Variants in CTNNA2 observed in about 807,000 individuals in gnomAD.
The protein encoded by CTNNA2 is catenin alpha 2, also known as catenin alpha-2.
A neutral mutation model predicts 101.0 loss-of-function variants in CTNNA2; 42 were observed. That is an observed-to-expected ratio of 0.42 (90% confidence interval 0.32 to 0.54). The LOEUF (loss-of-function observed/expected upper bound fraction) is 0.54. Among genes scored for constraint, CTNNA2 ranks in the 20% least tolerant of loss-of-function variants. The probability of loss-of-function intolerance (pLI) is 0.14; values close to 1 mark genes in which losing one functional copy is unlikely to be tolerated. For synonymous variants in CTNNA2, 450 were observed against 456.4 expected, an observed-to-expected ratio of 0.99 and a Z score of 0.18; for missense variants, 871 against 1,223.1, an observed-to-expected ratio of 0.71 and a Z score of 4.29.
At chr2:79,472,384 A>G (rs968893559) in intron 4 of CTNNA2, among the ~76,000 whole-genome samples, 1 of 152,208 alleles carries the variant, frequency 6.6e-6, no homozygotes, top group Non-Finnish European at 1.5e-5. Flanking sequence ...ATTGGAGAGC[A>G]TCCACCTGGC....
At chr2:80,022,667 A>G (rs1439905230) in intron 7 of CTNNA2, among the ~76,000 whole-genome samples, 2 of 152,138 alleles carry the variant, frequency 1.3e-5, no homozygotes, top group Non-Finnish European at 2.9e-5. Flanking sequence ...AGTGGAAGGA[A>G]AAAATCCTAG....
intron 7 of CTNNA2, among the ~76,000 whole-genome samples, chr2:80,167,509 C>G (rs890112242): frequency 2.0e-5 from 3 of 152,146 alleles, no homozygotes; most frequent in Non-Finnish European, 4.4e-5. Context: ...AAAAAAGATA[C>G]ATCATACATT....
chr2:80,243,292 A>G (rs1381084086), intron 7 of CTNNA2, among the ~76,000 whole-genome samples: 2 of 152,170 alleles, frequency 1.3e-5, no homozygotes, highest in East Asian at 3.8e-4. Context: ...GTTATCTAAT[A>G]AACTGCACAT....
chr2:79,441,713 A>T (rs1276000118), intron 4 of CTNNA2, among the ~76,000 whole-genome samples: 2 of 152,150 alleles, frequency 1.3e-5, no homozygotes, highest in African/African-American at 4.8e-5. Flanking sequence ...TGTATATGAG[A>T]TGCCCTTTCC....
intron 3 of CTNNA2, among the ~76,000 whole-genome samples, chr2:79,363,874 A>G (rs903468379): frequency 5.4e-4 from 83 of 152,326 alleles, no homozygotes; most frequent in African/African-American, 1.9e-3. Context: ...CCAGGCTAGT[A>G]TGCAAATGAA....
At chr2:80,045,887 A>G (rs1572937422) in intron 7 of CTNNA2, among the ~76,000 whole-genome samples, 2 of 151,862 alleles carry the variant, frequency 1.3e-5, no homozygotes, top group South Asian at 2.1e-4. Context: ...AGTTTAATCA[A>G]CCTCGACAGT....
At chr2:80,081,773 G>A (rs932643384) in intron 7 of CTNNA2, among the ~76,000 whole-genome samples, 2 of 121,626 alleles carry the variant, frequency 1.6e-5, no homozygotes, top group Non-Finnish European at 3.2e-5. Context: ...CTATTTCTGT[G>A]TGTGTCTGTG....
intron 8 of CTNNA2, among the ~76,000 whole-genome samples, chr2:80,414,363 A>G (rs1679856395): frequency 6.6e-6 from 1 of 152,116 alleles, no homozygotes; most frequent in African/African-American, 2.4e-5. Context: ...TTCACCTTTT[A>G]ATTATTTCTT....
chr2:79,745,236 GCC>G (rs1671558413), intron 3 of CTNNA2, among the ~76,000 whole-genome samples: 1 of 152,056 alleles, frequency 6.6e-6, no homozygotes, highest in Non-Finnish European at 1.5e-5. Flanking sequence ...TTCAAGACCA[GCC>G]TGGGCAACAC....
intron 7 of CTNNA2, among the ~76,000 whole-genome samples, chr2:80,246,953 A>T (rs547106668): frequency 6.6e-6 from 1 of 152,310 alleles, no homozygotes; most frequent in African/African-American, 2.4e-5. Flanking sequence ...ATCTCTGCCC[A>T]GGATCTTACA....
At chr2:79,378,785 G>A (rs17760461) in intron 4 of CTNNA2, among the ~76,000 whole-genome samples, 60,789 of 151,860 alleles carry the variant, frequency 0.4, 12,510 homozygotes, top group Non-Finnish European at 0.45. Flanking sequence ...GAGCTCATTC[G>A]CTCATATTCT....
intron 2 of CTNNA2, among the ~76,000 whole-genome samples, chr2:79,669,035 G>C (rs117265035): frequency 1.3e-5 from 2 of 152,166 alleles, no homozygotes; most frequent in African/African-American, 4.8e-5. Flanking sequence ...GGTATCTCAC[G>C]TGGAGATCTT....
chr2:79,955,870 C>T (rs575194850), intron 7 of CTNNA2, among the ~76,000 whole-genome samples: 1 of 152,248 alleles, frequency 6.6e-6, no homozygotes, highest in East Asian at 1.9e-4. Context: ...ATCACCTGGC[C>T]TCTGCTAGGA....
chr2:80,239,042 C>G (rs908291790), intron 7 of CTNNA2, among the ~76,000 whole-genome samples: 5 of 152,184 alleles, frequency 3.3e-5, no homozygotes, highest in Non-Finnish European at 5.9e-5. Context: ...TAATTTTTCA[C>G]TTAAACAATT....
At chr2:80,114,275 C>T (rs959189687) in intron 7 of CTNNA2, among the ~76,000 whole-genome samples, 1 of 152,168 alleles carries the variant, frequency 6.6e-6, no homozygotes, top group Middle Eastern at 3.2e-3. Context: ...AATGGGAAAA[C>T]TATTGTGATT....
chr2:80,261,706 G>A (rs945647901), intron 7 of CTNNA2, among the ~76,000 whole-genome samples: 3 of 152,116 alleles, frequency 2.0e-5, no homozygotes, highest in African/African-American at 7.2e-5. Context: ...CTTTTCCTAA[G>A]GGCAAATAAA....
At chr2:79,805,210 C>T (rs1676473220) in intron 3 of CTNNA2, among the ~76,000 whole-genome samples, 1 of 152,124 alleles carries the variant, frequency 6.6e-6, no homozygotes, top group African/African-American at 2.4e-5. Flanking sequence ...TATTCCTGGT[C>T]TGAAATGCTT....
intron 2 of CTNNA2, among the ~76,000 whole-genome samples, chr2:79,696,652 A>C (rs1162454245): frequency 6.6e-6 from 1 of 151,844 alleles, no homozygotes; most frequent in Non-Finnish European, 1.5e-5. Context: ...CTTCCGCAGT[A>C]CTCCCTGGGC....
intron 4 of CTNNA2, among the ~76,000 whole-genome samples, chr2:79,403,839 AGTT>A (rs1000861030): frequency 7.2e-5 from 11 of 152,136 alleles, no homozygotes; most frequent in African/African-American, 2.4e-4. Flanking sequence ...TAATTAACAT[AGTT>A]GTTGTGGAAA....
Sources: gnomAD v4.1 joint callset for allele counts (sites outside exome capture counted in the v4.1 genomes callset) on GRCh38, gnomAD v4.1.1 for gene constraint, MANE v1.5 for transcripts, NCBI Gene and HGNC (gene_info 2026-07-23, HGNC 2026-07-21) for gene names.